Variants in NLGN1 observed in about 807,000 individuals in gnomAD.
NLGN1 encodes neuroligin 1, also known as neuroligin-1.
Under a neutral mutation model 65.5 loss-of-function variants are expected in NLGN1, and 12 were observed. That is an observed-to-expected ratio of 0.18 (90% CI 0.12 to 0.30). The LOEUF is 0.30. NLGN1 is among the 10% of genes least tolerant of loss of function. The pLI, the probability that NLGN1 is intolerant of heterozygous loss-of-function variation, is 1.00. For synonymous variants in NLGN1, 350 were observed against 359.5 expected (o/e 0.97, Z 0.30); for missense variants, 750 against 1,007.1 (o/e 0.74, Z 3.46).
intron 4 of NLGN1, among the ~76,000 whole-genome samples, chr3:174,018,934 T>A (rs1727181477): frequency 6.6e-6 from 1 of 152,108 alleles, no homozygotes; most frequent in Non-Finnish European, 1.5e-5. Flanking sequence ...TATTTTGGAA[T>A]ATAAGGAAGA....
chr3:174,158,940 C>T (rs767834788), intron 4 of NLGN1, among the ~76,000 whole-genome samples: 4 of 151,554 alleles, frequency 2.6e-5, no homozygotes, highest in Non-Finnish European at 5.9e-5. Context: ...ACTGAGTGCA[C>T]TCAACTTTTT....
chr3:173,736,418 A>G (rs906817628), intron 3 of NLGN1, among the ~76,000 whole-genome samples: 2 of 152,106 alleles, frequency 1.3e-5, no homozygotes, highest in South Asian at 4.1e-4. Flanking sequence ...GGAAGCATGA[A>G]GTCCAGGGGA....
chr3:173,750,976 A>T (rs1394563545), intron 3 of NLGN1, among the ~76,000 whole-genome samples: 1 of 152,096 alleles, frequency 6.6e-6, no homozygotes, highest in African/African-American at 2.4e-5. Context: ...CAAAAAATTT[A>T]AAAACTCACA....
intron 3 of NLGN1, among the ~76,000 whole-genome samples, chr3:173,797,701 A>AC (rs988184645): frequency 8.6e-5 from 13 of 150,826 alleles, no homozygotes; most frequent in African/African-American, 2.4e-4. Flanking sequence ...AACAACAACA[A>AC]AAAAAAACAA....
chr3:173,847,249 G>A (rs1464760343), intron 4 of NLGN1, among the ~76,000 whole-genome samples: 1 of 152,092 alleles, frequency 6.6e-6, no homozygotes. Flanking sequence ...GATATTTTGG[G>A]ATTGTATTCT....
chr3:173,754,222 G>GT (rs556058725), intron 3 of NLGN1, among the ~76,000 whole-genome samples: 2 of 151,126 alleles, frequency 1.3e-5, no homozygotes, highest in South Asian at 2.1e-4. Context: ...AACTTTTGTA[G>GT]TTTTTTGTAG....
At chr3:173,882,948 G>A (rs1005824202) in intron 4 of NLGN1, among the ~76,000 whole-genome samples, 7 of 149,144 alleles carry the variant, frequency 4.7e-5, no homozygotes, top group Non-Finnish European at 8.9e-5. Context: ...CCACTTGAAC[G>A]CTTAGCAGCC....
chr3:174,149,532 A>G (rs978632328), intron 4 of NLGN1, among the ~76,000 whole-genome samples: 9 of 152,162 alleles, frequency 5.9e-5, no homozygotes, highest in African/African-American at 2.2e-4. Context: ...AATAGTTGTT[A>G]GCATGATTTT....
chr3:173,549,802 GC>G (rs1740540738), intron 2 of NLGN1, among the ~76,000 whole-genome samples: 1 of 152,050 alleles, frequency 6.6e-6, no homozygotes, highest in South Asian at 2.1e-4. Flanking sequence ...TCCTGTATAA[GC>G]TATTTAGGAT....
chr3:174,036,587 T>G (rs1400139133), intron 4 of NLGN1, among the ~76,000 whole-genome samples: 2 of 149,950 alleles, frequency 1.3e-5, no homozygotes, highest in Non-Finnish European at 3.0e-5. Context: ...TTTTGTTGTT[T>G]TTTTTTTTTT....
At chr3:173,702,010 C>T (rs1365456255) in intron 3 of NLGN1, among the ~76,000 whole-genome samples, 5 of 151,974 alleles carry the variant, frequency 3.3e-5, no homozygotes, top group Admixed American at 6.6e-5. Context: ...GAGGCCGAGG[C>T]GGGTGGATCA....
intron 4 of NLGN1, among the ~76,000 whole-genome samples, chr3:174,152,981 G>C (rs1216172056): frequency 6.6e-6 from 1 of 152,016 alleles, no homozygotes; most frequent in East Asian, 1.9e-4. Context: ...TTCCTTGCCT[G>C]TCTCTTCTAA....
chr3:174,010,159 AT>A (rs1725237988), intron 4 of NLGN1, among the ~76,000 whole-genome samples: 1 of 152,210 alleles, frequency 6.6e-6, no homozygotes, highest in Non-Finnish European at 1.5e-5. Context: ...TTCAAAAAAA[AT>A]GTTCAAATCA....
intron 4 of NLGN1, among the ~76,000 whole-genome samples, chr3:174,217,805 C>T (rs942474478): frequency 6.6e-6 from 1 of 151,900 alleles, no homozygotes; most frequent in East Asian, 1.9e-4. Flanking sequence ...TCAAGTAAGG[C>T]GTAACGACAG....
At chr3:173,473,987 A>C (rs1184000447) in intron 2 of NLGN1, among the ~76,000 whole-genome samples, 1 of 152,184 alleles carries the variant, frequency 6.6e-6, no homozygotes, top group African/African-American at 2.4e-5. Flanking sequence ...CAATAAAAAG[A>C]GTGCCAGCGT....
At chr3:174,027,838 A>C (rs1405201066) in intron 4 of NLGN1, among the ~76,000 whole-genome samples, 2 of 152,176 alleles carry the variant, frequency 1.3e-5, no homozygotes, top group East Asian at 1.9e-4. Flanking sequence ...TGCATATCTG[A>C]TACGGTTTGG....
At chr3:174,073,115 AATC>A (rs72100690) in intron 4 of NLGN1, among the ~76,000 whole-genome samples, 4,240 of 152,254 alleles carry the variant, frequency 0.028, 94 homozygotes, top group Non-Finnish European at 0.04. Context: ...ACAACTATCT[AATC>A]ATATTTTTAA....
chr3:173,500,436 T>A (rs990516381), intron 2 of NLGN1, among the ~76,000 whole-genome samples: 1 of 152,122 alleles, frequency 6.6e-6, no homozygotes, highest in Non-Finnish European at 1.5e-5. Flanking sequence ...TTTTGATGTG[T>A]TGCTGGATTC....
At chr3:173,610,951 C>T (rs367928410) in intron 3 of NLGN1, among the ~76,000 whole-genome samples, 14 of 151,728 alleles carry the variant, frequency 9.2e-5, no homozygotes, top group Non-Finnish European at 1.2e-4. Flanking sequence ...CAACAGCAAA[C>T]GAACAATATT....
Sources: allele counts gnomAD v4.1 joint callset (sites outside exome capture counted in the v4.1 genomes callset), GRCh38; gene constraint gnomAD v4.1.1; transcripts MANE v1.5; gene names NCBI Gene and HGNC (gene_info 2026-07-23, HGNC 2026-07-21).